The following PUDP variants were observed in gnomAD, a reference collection of about 807,000 sequenced individuals.
The protein encoded by PUDP is pseudouridine 5'-phosphatase, also known as pseudouridine-5'-phosphatase.
PUDP carries 8 observed loss-of-function variants against 9.4 expected under a neutral mutation model. The observed-to-expected ratio is 0.85, with a 90% CI of 0.50 to 1.53. The LOEUF (loss-of-function observed/expected upper bound fraction) is 1.53, where lower values mean the gene tolerates loss of function less well. Ranked by LOEUF, PUDP falls within the 40% of genes most tolerant of loss-of-function variation. The pLI, the probability that PUDP is intolerant of heterozygous loss-of-function variation, is 0.00. For missense variants in PUDP, 188 were observed against 189.7 expected, an observed-to-expected ratio of 0.99 and a Z score of 0.05; for synonymous variants, 99 against 80.7, an observed-to-expected ratio of 1.23 and a Z score of -1.22.
intron 1 of PUDP, among the ~76,000 whole-genome samples, chrX:6,986,606 C>T (rs1052075756): frequency 8.9e-6 from 1 of 111,953 alleles, no homozygotes; most frequent in Non-Finnish European, 1.9e-5. Context: ...ATTCTAAAGG[C>T]TTAACTTGAC....
At chrX:6,784,410 T>C (rs1200277328) in intron 3 of PUDP, among the ~76,000 whole-genome samples, 2 of 111,397 alleles carry the variant, frequency 1.8e-5, no homozygotes, top group Non-Finnish European at 3.8e-5. Flanking sequence ...AGATCCTGGA[T>C]GTCAGGGCTG....
intron 3 of PUDP, among the ~76,000 whole-genome samples, chrX:6,846,752 A>G (rs748958278): frequency 9.0e-6 from 1 of 111,708 alleles, no homozygotes; most frequent in Non-Finnish European, 1.9e-5. Context: ...TGAGTATTTT[A>G]TATATTAATA....
chrX:6,964,903 C>G (rs1036029150), intron 3 of PUDP, among the ~76,000 whole-genome samples: 3 of 111,110 alleles, frequency 2.7e-5, no homozygotes, highest in Non-Finnish European at 5.7e-5. Context: ...CTCCTAGTAC[C>G]ATCTCAATTC....
intron 3 of PUDP, among the ~76,000 whole-genome samples, chrX:6,765,040 G>A (rs1423639677): frequency 9.1e-6 from 1 of 109,419 alleles, no homozygotes; most frequent in African/African-American, 3.3e-5. Context: ...GCCGAGGCAC[G>A]AGGATCGCTT....
intron 1 of PUDP, 69 bp from the exon 2 acceptor site, chrX:7,105,907 A>G (rs1931869915): frequency 2.8e-6 from 2 of 714,874 alleles, no homozygotes; most frequent in Non-Finnish European, 4.2e-6. Context: ...TCAGGTCCGC[A>G]TAAACATACA....
intron 3 of PUDP, among the ~76,000 whole-genome samples, chrX:6,820,219 T>C (rs1313967187): frequency 9.1e-6 from 1 of 110,196 alleles, no homozygotes; most frequent in Non-Finnish European, 1.9e-5. Flanking sequence ...GGAAAAAGAC[T>C]GGCCCCCATG....
intron 3 of PUDP, among the ~76,000 whole-genome samples, chrX:6,754,713 T>C (rs987827254): frequency 1.5e-4 from 16 of 110,251 alleles, no homozygotes; most frequent in African/African-American, 4.6e-4. Flanking sequence ...GAATTATATA[T>C]AGTGGATCCT....
intron 3 of PUDP, among the ~76,000 whole-genome samples, chrX:7,076,181 T>A (rs1485191047): frequency 2.7e-5 from 3 of 112,203 alleles, no homozygotes; most frequent in Non-Finnish European, 5.6e-5. Context: ...CTTTCAAGAC[T>A]ACTCCGGTAG....
chrX:7,094,603 G>A (rs985682042), intron 2 of PUDP, among the ~76,000 whole-genome samples: 1 of 110,691 alleles, frequency 9.0e-6, no homozygotes, highest in African/African-American at 3.3e-5. Context: ...CTCGTGATCC[G>A]CCCGTCTCGA....
At chrX:6,717,314 G>A (rs181577557) in intron 1 of PUDP, among the ~76,000 whole-genome samples, 67 of 111,506 alleles carry the variant, frequency 6.0e-4, no homozygotes, top group African/African-American at 2.1e-3. Flanking sequence ...ACAGAGAGCT[G>A]TAAGTGTCTG....
At chrX:6,913,655 A>G (rs1189971765) in intron 3 of PUDP, among the ~76,000 whole-genome samples, 1 of 111,762 alleles carries the variant, frequency 8.9e-6, no homozygotes, top group Non-Finnish European at 1.9e-5. Flanking sequence ...AAATACATAA[A>G]ATACCTCTAT....
intron 3 of PUDP, among the ~76,000 whole-genome samples, chrX:6,919,987 A>G (rs1376764031): frequency 2.8e-5 from 3 of 108,125 alleles, no homozygotes; most frequent in Non-Finnish European, 3.8e-5. Context: ...GATGAATCCC[A>G]GAGAGAGCTG....
At chrX:6,737,316 G>T (rs1924883924) in intron 3 of PUDP, among the ~76,000 whole-genome samples, 2 of 112,542 alleles carry the variant, frequency 1.8e-5, no homozygotes, top group African/African-American at 3.2e-5. Context: ...AGCAGCCCGA[G>T]AAAGCAAATA....
At chrX:6,965,413 A>G in intron 3 of PUDP, among the ~76,000 whole-genome samples, 1 of 112,597 alleles carries the variant, frequency 8.9e-6, no homozygotes, top group Non-Finnish European at 1.9e-5. Context: ...AATATACATA[A>G]AAGAAAAGAA....
chrX:6,827,753 G>C (rs1378426217), intron 3 of PUDP, among the ~76,000 whole-genome samples: 2 of 111,978 alleles, frequency 1.8e-5, no homozygotes, highest in Non-Finnish European at 3.8e-5. Flanking sequence ...TTCTGTCAAC[G>C]TCTGCATCCT....
At chrX:6,939,940 C>A (rs1489101641) in intron 3 of PUDP, among the ~76,000 whole-genome samples, 3 of 112,060 alleles carry the variant, frequency 2.7e-5, no homozygotes, top group Non-Finnish European at 5.6e-5. Context: ...CCATAAATAT[C>A]TTTTCAAAAT....
intron 3 of PUDP, among the ~76,000 whole-genome samples, chrX:6,968,232 A>G (rs1928816125): frequency 1.8e-5 from 2 of 112,346 alleles, no homozygotes; most frequent in Non-Finnish European, 3.8e-5. Flanking sequence ...ACTTGCACAC[A>G]GGCACATACT....
intron 3 of PUDP, among the ~76,000 whole-genome samples, chrX:6,741,686 T>C (rs1349397181): frequency 4.5e-5 from 5 of 110,994 alleles, no homozygotes; most frequent in African/African-American, 1.3e-4. Flanking sequence ...TTGACTGATT[T>C]CATGATACAT....
chrX:6,878,637 C>T (rs758760874), intron 3 of PUDP, among the ~76,000 whole-genome samples: 123 of 112,258 alleles, frequency 1.1e-3, no homozygotes, highest in African/African-American at 3.6e-3. Flanking sequence ...GGATTACAGG[C>T]GTGAGTCACC....
Sources: allele counts gnomAD v4.1 joint callset (sites outside exome capture counted in the v4.1 genomes callset), GRCh38; gene constraint gnomAD v4.1.1; transcripts MANE v1.5; gene names NCBI Gene and HGNC (gene_info 2026-07-23, HGNC 2026-07-21).